GPM6A: variants seen among roughly 807,000 people sequenced by gnomAD.
GPM6A encodes the protein glycoprotein M6A.
In GPM6A, 7 loss-of-function variants were observed where a neutral mutation model predicts 32.1. The observed-to-expected ratio is 0.22, with a 90% CI of 0.12 to 0.41. The LOEUF (loss-of-function observed/expected upper bound fraction) is 0.41, where lower values mean the gene tolerates loss of function less well. Ranked by LOEUF, GPM6A falls within the 10% of genes least tolerant of loss-of-function variation. GPM6A has a pLI of 1.00. For synonymous variants in GPM6A, 130 were observed against 123.4 expected, an observed-to-expected ratio of 1.05 and a Z score of -0.35; for missense variants, 235 against 347.2, an observed-to-expected ratio of 0.68 and a Z score of 2.57.
intron 1 of GPM6A, among the ~76,000 whole-genome samples, chr4:175,996,027 G>A (rs930587150): frequency 6.6e-6 from 1 of 152,158 alleles, no homozygotes; most frequent in Non-Finnish European, 1.5e-5. Flanking sequence ...TTGTCAAACA[G>A]TTGAAAATAG....
chr4:175,939,155 G>C (rs1579645581), intron 1 of GPM6A, among the ~76,000 whole-genome samples: 1 of 152,020 alleles, frequency 6.6e-6, no homozygotes, highest in African/African-American at 2.4e-5. Flanking sequence ...AAATTATATC[G>C]ATCACCCCTC....
At chr4:175,993,074 C>A (rs1277239344) in intron 1 of GPM6A, among the ~76,000 whole-genome samples, 1 of 152,054 alleles carries the variant, frequency 6.6e-6, no homozygotes, top group East Asian at 1.9e-4. Flanking sequence ...TCCTACCCAA[C>A]AAAAATCTTT....
At chr4:175,637,334 T>TAA (rs1740764360) in intron 6 of GPM6A, among the ~76,000 whole-genome samples, 1 of 76,166 alleles carries the variant, frequency 1.3e-5, no homozygotes, top group African/African-American at 5.1e-5. Flanking sequence ...ATATTATATA[T>TAA]TATATATTAT....
intron 1 of GPM6A, among the ~76,000 whole-genome samples, chr4:175,724,315 C>A (rs1464689830): frequency 6.6e-6 from 1 of 152,182 alleles, no homozygotes; most frequent in Non-Finnish European, 1.5e-5. Context: ...GAGGCCAAGG[C>A]GGGCAGATCA....
At chr4:175,748,656 A>G (rs1306125366) in intron 1 of GPM6A, among the ~76,000 whole-genome samples, 1 of 152,148 alleles carries the variant, frequency 6.6e-6, no homozygotes, top group Non-Finnish European at 1.5e-5. Flanking sequence ...CAGGGCCCCG[A>G]GATTTTTGGA....
chr4:175,943,395 G>C (rs897560535), intron 1 of GPM6A, among the ~76,000 whole-genome samples: 2 of 152,076 alleles, frequency 1.3e-5, no homozygotes, highest in South Asian at 2.1e-4. Context: ...GATTGCCCTG[G>C]CCAGAACTTC....
intron 1 of GPM6A, among the ~76,000 whole-genome samples, chr4:175,729,383 C>A (rs1402849261): frequency 3.9e-5 from 6 of 152,146 alleles, no homozygotes; most frequent in Non-Finnish European, 8.8e-5. Context: ...AGGAAATGCA[C>A]CTTGACCCAT....
chr4:175,983,432 T>C (rs1469227717), intron 1 of GPM6A, among the ~76,000 whole-genome samples: 1 of 152,204 alleles, frequency 6.6e-6, no homozygotes. Flanking sequence ...TTTTAAAATG[T>C]CCTTTAACAG....
At chr4:175,775,139 G>T (rs77856188) in intron 1 of GPM6A, among the ~76,000 whole-genome samples, 3,071 of 152,204 alleles carry the variant, frequency 0.02, 56 homozygotes, top group Non-Finnish European at 0.031. Flanking sequence ...GAAGTATTTA[G>T]AATTGCTCTA....
At chr4:175,808,145 G>A (rs964649804) in intron 1 of GPM6A, among the ~76,000 whole-genome samples, 2 of 152,102 alleles carry the variant, frequency 1.3e-5, no homozygotes, top group Non-Finnish European at 2.9e-5. Context: ...TTAAGGAAAG[G>A]TGAGGTTCTA....
At chr4:175,783,921 A>AT (rs1465150033) in intron 1 of GPM6A, among the ~76,000 whole-genome samples, 2 of 151,972 alleles carry the variant, frequency 1.3e-5, no homozygotes, top group Non-Finnish European at 2.9e-5. Flanking sequence ...ATGTCCACAA[A>AT]TTTTTTGATA....
chr4:175,694,520 T>C (rs760706799), intron 2 of GPM6A, among the ~76,000 whole-genome samples: 15 of 152,160 alleles, frequency 9.9e-5, no homozygotes, highest in Non-Finnish European at 1.6e-4. Flanking sequence ...GCTCTAGAGA[T>C]CTAGATGATT....
At chr4:175,793,512 G>A (rs889397556) in intron 1 of GPM6A, among the ~76,000 whole-genome samples, 2 of 152,074 alleles carry the variant, frequency 1.3e-5, no homozygotes, top group Non-Finnish European at 2.9e-5. Context: ...GAGTAGCTGG[G>A]AATATAGGCA....
At chr4:175,745,064 A>G (rs1308001735) in intron 1 of GPM6A, among the ~76,000 whole-genome samples, 1 of 151,076 alleles carries the variant, frequency 6.6e-6, no homozygotes, top group African/African-American at 2.4e-5. Context: ...TGTCTTATCT[A>G]CTGCAGGAGC....
chr4:175,896,570 G>C (rs1415832650), intron 1 of GPM6A, among the ~76,000 whole-genome samples: 2 of 152,044 alleles, frequency 1.3e-5, no homozygotes, highest in Non-Finnish European at 2.9e-5. Context: ...TCTTTAAAGA[G>C]TTTAAGAAAA....
At chr4:175,658,697 T>C (rs976483177) in intron 3 of GPM6A, among the ~76,000 whole-genome samples, 9 of 152,198 alleles carry the variant, frequency 5.9e-5, no homozygotes, top group Admixed American at 2.0e-4. Context: ...AAGAAATCCC[T>C]GTACTTTCTC....
At chr4:175,677,059 G>A (rs1292070146) in intron 2 of GPM6A, among the ~76,000 whole-genome samples, 1 of 151,906 alleles carries the variant, frequency 6.6e-6, no homozygotes, top group African/African-American at 2.4e-5. Flanking sequence ...TAATTTTTTA[G>A]ATCAACTTCA....
intron 1 of GPM6A, among the ~76,000 whole-genome samples, chr4:175,714,282 C>T (rs376127410): frequency 7.6e-4 from 116 of 152,218 alleles, no homozygotes; most frequent in African/African-American, 2.6e-3. Context: ...GAAATTTGAA[C>T]GAATGATTAA....
chr4:175,650,189 T>C (rs1741701327), intron 4 of GPM6A, among the ~76,000 whole-genome samples: 1 of 152,302 alleles, frequency 6.6e-6, no homozygotes, highest in East Asian at 1.9e-4. Context: ...ATATGAGTAC[T>C]ATTATTATGT....
Sources: gnomAD v4.1 joint callset for allele counts (sites outside exome capture counted in the v4.1 genomes callset) on GRCh38, gnomAD v4.1.1 for gene constraint, MANE v1.5 for transcripts, NCBI Gene and HGNC (gene_info 2026-07-23, HGNC 2026-07-21) for gene names.